The following HERC6 variants were observed in gnomAD, a reference collection of about 807,000 sequenced individuals.
HERC6 encodes the protein HECT and RLD domain containing E3 ubiquitin protein ligase family member 6, also known as probable E3 ubiquitin-protein ligase HERC6.
HERC6 carries 101 observed loss-of-function variants against 114.5 expected under a neutral mutation model. That is an observed-to-expected ratio of 0.88 (90% confidence interval 0.75 to 1.04). HERC6 has a LOEUF of 1.04. Among genes scored for constraint, HERC6 ranks in the 50% least tolerant of loss-of-function variants. The pLI, the probability that HERC6 is intolerant of heterozygous loss-of-function variation, is 0.00. For synonymous variants in HERC6, 408 were observed against 436.2 expected (o/e 0.94, Z 0.81); for missense variants, 1,133 against 1,230.9 (o/e 0.92, Z 1.19).
intron 1 of HERC6, among the ~76,000 whole-genome samples, chr4:88,382,575 C>T (rs565950981): frequency 1.4e-4 from 21 of 152,252 alleles, no homozygotes; most frequent in African/African-American, 4.8e-4. Flanking sequence ...CTAGAAGTTA[C>T]CCCCTCCGTG....
At chr4:88,384,332 C>T (rs1734470642) in intron 2 of HERC6, among the ~76,000 whole-genome samples, 1 of 152,182 alleles carries the variant, frequency 6.6e-6, no homozygotes, top group African/African-American at 2.4e-5. Context: ...AATTTGCAAG[C>T]CCCCAAATAT....
Position 88,378,937 on chromosome 4 carries a change from G to A in HERC6, c.16G>A (p.Gly6Ser), listed in dbSNP as rs1332246944. The change falls in exon 1 of 23, where the codon GGC (glycine) becomes AGC (serine). Residue 6 changes from glycine to serine, a missense_variant. Physicochemically the swap from Gly to Ser is moderately conservative, Grantham distance 56 (BLOSUM62 0). Coordinates refer to ENST00000264346, the MANE Select transcript of HERC6 (RefSeq NM_017912.4). ...CAGAAGCGGGATGTACTTCTGTTGG[G>A]GCGCCGACTCCAGGGAGCTGCAGCG... MYFCW[G>S]ADSRELQRRR... 6.3e-7 allele frequency: 1 copy of A among 1,593,694 alleles called. No individual in the cohort carries two copies. Among genetic ancestry groups the A allele is most frequent in the East Asian group, 2.3e-5 (1 of 43,970 alleles).
rs531451771 is a variant in HERC6, at chr4:88,406,848, C to A, written c.1274+1235C>A. Among the ~76,000 whole-genome samples, 76 of 151,608 alleles carry A rather than the reference C, an allele frequency of 5.0e-4. 4 individuals are homozygous for A. In the South Asian group the frequency reaches 0.012, roughly 24 times the overall value. ...GCTCGGCTCACTGCAACCTCCACCC[C>A]CAAGTTCAAGCTATTCTCCTGCCTC... On this transcript the variant is annotated intron_variant, in intron 10 of 22. Transcript: ENST00000264346.
At chr4:88,394,775 C>G (rs1159237043) in intron 5 of HERC6, among the ~76,000 whole-genome samples, 1 of 151,934 alleles carries the variant, frequency 6.6e-6, no homozygotes, top group African/African-American at 2.4e-5. Flanking sequence ...AAACTCCTGA[C>G]CTCAAATGAT....
At chr4:88,401,230 C>T (rs914553781) in intron 8 of HERC6, among the ~76,000 whole-genome samples, 12 of 152,078 alleles carry the variant, frequency 7.9e-5, no homozygotes, top group African/African-American at 2.9e-4. Context: ...CATGGTGGCT[C>T]ACGCCTGTAA....
chr4:88,423,057 GGTTTTTTTTTTT>G (rs1320767634), intron 13 of HERC6, among the ~76,000 whole-genome samples: 2 of 144,432 alleles, frequency 1.4e-5, no homozygotes, highest in East Asian at 2.1e-4. Flanking sequence ...TCTTGATACT[GGTTTTTTTTTTT>G]GTTTTTTTTA....
chr4:88,400,314 G>A (rs1045744536), intron 8 of HERC6, among the ~76,000 whole-genome samples: 2 of 152,026 alleles, frequency 1.3e-5, no homozygotes, highest in South Asian at 2.1e-4. Flanking sequence ...CCATCCTCTC[G>A]CCTCAGCCTC....
rs145151812 is a variant in HERC6 at position 88,418,459 on chromosome 4, C to T, written c.1713+880C>T. 3.9e-5 allele frequency among the ~76,000 whole-genome samples: 6 copies of T among 152,304 alleles called. No homozygotes were observed. The East Asian group carries it at 1.2e-3, about 29-fold the overall frequency. On this transcript the variant is annotated intron_variant, in intron 13 of 22. Transcript: ENST00000264346. ...ACTCCTGGACGGCAATAGGACAGCT[C>T]TAGTGATCTGTGCTGCCTCCCATCT... is the stretch of plus-strand genomic sequence containing the variant.
intron 2 of HERC6, among the ~76,000 whole-genome samples, chr4:88,383,602 G>A (rs1734428803): frequency 6.6e-6 from 1 of 151,310 alleles, no homozygotes; most frequent in Non-Finnish European, 1.5e-5. Context: ...CTACAAAAAA[G>A]ACACAAGAAA....
intron 11 of HERC6, among the ~76,000 whole-genome samples, chr4:88,412,167 C>T (rs1376909101): frequency 3.3e-5 from 5 of 152,132 alleles, no homozygotes; most frequent in Admixed American, 2.0e-4. Flanking sequence ...AATTACCTTA[C>T]AGGATTATCA....
chr4:88,435,847 G>A lies in HERC6; in HGVS notation c.2373G>A (p.Lys791=), dbSNP rs762754121. 1.4e-5 allele frequency: 23 copies of A among 1,609,962 alleles called. No individual in the cohort carries two copies. Among genetic ancestry groups the A allele is most frequent in the Non-Finnish European group, 2.0e-5 (23 of 1,178,300 alleles). The change falls in exon 18 of 23, where the codon AAG becomes AAA. Residue 791 remains lysine (K), a synonymous_variant. Coordinates refer to ENST00000264346, the MANE Select transcript of HERC6 (RefSeq NM_017912.4). ...LALYKKLLDQ[K]PSLEDLKELS... ...TGTATAAAAAACTTCTGGACCAAAA[G>A]CCATCATTGGAAGATTTAAAAGAAC...
chr4:88,410,036 T>A (rs1736008604), intron 11 of HERC6, among the ~76,000 whole-genome samples: 1 of 152,198 alleles, frequency 6.6e-6, no homozygotes, highest in Admixed American at 6.5e-5. Context: ...ATATTTTCAG[T>A]GTCCTCACAT....
chr4:88,398,015 T>G, intron 7 of HERC6, 127 bp from the exon 8 acceptor site: 1 of 574,008 alleles, frequency 1.7e-6, no homozygotes, highest in Non-Finnish European at 3.1e-6. Flanking sequence ...CTTTTATGCA[T>G]TTGTAGTCAA....
chr4:88,407,282 G>A (rs560891242), intron 10 of HERC6, among the ~76,000 whole-genome samples: 2 of 148,412 alleles, frequency 1.3e-5, no homozygotes, highest in African/African-American at 2.5e-5. Flanking sequence ...GTTTCACCAC[G>A]TTGGGCCAGG....
At position 88,431,168 on chromosome 4, in the gene HERC6, T is replaced by G. The variant is rs760496195; in HGVS notation, c.2113T>G (p.Phe705Val). 7 of 1,606,634 alleles carry G rather than the reference T, an allele frequency of 4.4e-6. No individual in the cohort carries two copies. Among genetic ancestry groups the G allele is most frequent in the Non-Finnish European group, 5.9e-6 (7 of 1,177,776 alleles). Residue 705 changes from phenylalanine to valine, a missense_variant, in exon 17 of 23, where the codon TTT (phenylalanine) becomes GTT (valine). By Grantham distance (50) the Phe-to-Val change is conservative (BLOSUM62 -1). This residue lies in a region of HERC6 where 388 missense variants were observed against 445.9 expected (regional missense o/e 0.87). Transcript: ENST00000264346. ...CTATGTTCTCTTTCCTTAGGTTGAA[T>G]TTATTAATGAAATTTGTCCTGAGTC... ...TDFCKVLVVE[F>V]INEICPESGG... is the part of the protein sequence containing the mutation.
At chr4:88,379,242 C>A (rs1734034446) in intron 1 of HERC6, 122 bp downstream of exon 1, 1 of 780,258 alleles carries the variant, frequency 1.3e-6, no homozygotes, top group South Asian at 2.0e-5. Context: ...CGCGGGGGCC[C>A]AGGTGCAGGG....
intron 12 of HERC6, among the ~76,000 whole-genome samples, chr4:88,417,057 T>G (rs1190018124): frequency 6.6e-6 from 1 of 152,212 alleles, no homozygotes; most frequent in Non-Finnish European, 1.5e-5. Flanking sequence ...AAAAACGTCC[T>G]TGATGCCATT....
rs753643806 is a variant in HERC6, at chr4:88,383,763, C to CAAAAA, written c.359+409_359+413dup. 2.4e-3 allele frequency among the ~76,000 whole-genome samples: 69 copies of CAAAAA among 28,752 alleles called. 2 individuals are homozygous for CAAAAA. The highest frequency in any genetic ancestry group is 3.1e-3 in the Non-Finnish European group (52 of 16,648). The allele number at this position is 28,752 out of a possible 152,430, so 18.9% of individuals were successfully genotyped here. ...TGGGCAACAGAGGGAGACTCAGTCT[C>CAAAAA]AAAAAAAAAAAAAAAAAAAAAAAAA... On this transcript the variant is annotated intron_variant, in intron 2 of 22. Transcript: ENST00000264346.
chr4:88,439,710 C>A lies in HERC6; in HGVS notation c.2556-164C>A. On this transcript the variant is annotated intron_variant, in intron 20 of 22. Coordinates refer to ENST00000264346, the MANE Select transcript of HERC6 (RefSeq NM_017912.4). Reference sequence around the variant, plus strand: ...ATTATATTTTCTAAATTTCTTTCTTCTAGCTGACCAGGTTTTGGTCACAAT... The same window carrying A: ...ATTATATTTTCTAAATTTCTTTCTTATAGCTGACCAGGTTTTGGTCACAAT... The A allele has an allele frequency of 1.8e-6, 1 of 553,260 alleles. No homozygotes were observed. The highest frequency in any genetic ancestry group is 2.8e-6 in the Non-Finnish European group (1 of 356,400). 34.3% of individuals were successfully genotyped at this position (553,260 alleles called of 1,614,324 possible).
Sources: gnomAD v4.1 joint callset for allele counts (sites outside exome capture counted in the v4.1 genomes callset) on GRCh38, gnomAD v4.1.1 for gene constraint, gnomAD v4.1.1 regional missense constraint, MANE v1.5 for transcripts, NCBI Gene and HGNC (gene_info 2026-07-23, HGNC 2026-07-21) for gene names.